The following MAML3 variants were observed in gnomAD, a reference collection of about 807,000 sequenced individuals.
MAML3 encodes the protein mastermind like transcriptional coactivator 3.
MAML3 carries 27 observed loss-of-function variants against 101.9 expected under a neutral mutation model. That is an observed-to-expected ratio of 0.27 (90% CI 0.20 to 0.37). The LOEUF (loss-of-function observed/expected upper bound fraction) is 0.37, where lower values mean the gene tolerates loss of function less well. Ranked by LOEUF, MAML3 falls within the 10% of genes least tolerant of loss-of-function variation. MAML3 has a pLI of 1.00. For synonymous variants in MAML3, 501 were observed against 555.9 expected, an observed-to-expected ratio of 0.90 and a Z score of 1.39; for missense variants, 1,316 against 1,444.9, an observed-to-expected ratio of 0.91 and a Z score of 1.45.
chr4:140,061,540 G>T lies in MAML3; in HGVS notation c.468+91320C>A, dbSNP rs116429455. On this transcript the variant is annotated intron_variant, in intron 1 of 4. Transcript: ENST00000509479. Reference sequence around the variant, plus strand: ...CACCATGATGCAAGAATTCCAGTACGTCAACTCAAGGCAAGTAACAAGACC... The same window carrying T: ...CACCATGATGCAAGAATTCCAGTACTTCAACTCAAGGCAAGTAACAAGACC... Among the ~76,000 whole-genome samples the T allele has an allele frequency of 7.1e-3, 1,084 of 152,284 alleles. 13 individuals carry two copies. Among genetic ancestry groups the T allele is most frequent in the Middle Eastern group, 0.051 (15 of 294 alleles).
At chr4:139,759,432 C>T (rs1446562473) in intron 2 of MAML3, among the ~76,000 whole-genome samples, 1 of 152,212 alleles carries the variant, frequency 6.6e-6, no homozygotes, top group Non-Finnish European at 1.5e-5. Flanking sequence ...CTGCCCTTGC[C>T]CCAGGTCCCG....
At chr4:139,816,820 T>C (rs1447190117) in intron 2 of MAML3, among the ~76,000 whole-genome samples, 1 of 152,112 alleles carries the variant, frequency 6.6e-6, no homozygotes, top group Non-Finnish European at 1.5e-5. Context: ...TCTCAACATT[T>C]ATCTTGTCCT....
chr4:139,939,649 T>A (rs1733563205), intron 1 of MAML3, among the ~76,000 whole-genome samples: 1 of 152,166 alleles, frequency 6.6e-6, no homozygotes, highest in Non-Finnish European at 1.5e-5. Flanking sequence ...TACATTGTTA[T>A]TTGTGACTTT....
In MAML3 at chr4:140,153,542, G is replaced by A; in HGVS notation, c.-215C>T. The A allele has an allele frequency of 1.9e-6, 1 of 527,046 alleles. No individual in the cohort carries two copies. The highest frequency in any genetic ancestry group is 3.0e-5 in the South Asian group (1 of 33,242). The allele number at this position is 527,046 out of a possible 1,614,324, so 32.6% of individuals were successfully genotyped here. A position where few individuals can be genotyped will look rare whatever the true frequency, so the allele number is the denominator to read the frequency against. ...TTTTTTAAACTGTAAAAGCTCAAGG[G>A]GAAGAAAAGGGGGGAACGTTATCGG... On this transcript the variant is annotated 5_prime_UTR_variant, in exon 1 of 5. Coordinates refer to ENST00000509479, the MANE Select transcript of MAML3 (RefSeq NM_018717.5).
chr4:139,912,629 G>C (rs1732945276), intron 1 of MAML3, among the ~76,000 whole-genome samples: 2 of 152,224 alleles, frequency 1.3e-5, no homozygotes, highest in South Asian at 4.1e-4. Flanking sequence ...ACCCAACACA[G>C]CTGGTATCAT....
intron 1 of MAML3, among the ~76,000 whole-genome samples, chr4:140,121,782 T>C (rs1728609808): frequency 6.6e-6 from 1 of 152,222 alleles, no homozygotes. Flanking sequence ...CACTGCTCAA[T>C]AGTGCATGAT....
chr4:139,943,972 G>T (rs1263423749), intron 1 of MAML3, among the ~76,000 whole-genome samples: 1 of 143,170 alleles, frequency 7.0e-6, no homozygotes, highest in African/African-American at 2.6e-5. Flanking sequence ...CCGGGTTCAA[G>T]CGATTCTCCT....
intron 1 of MAML3, 34 bp downstream of exon 1, chr4:140,152,826 G>A (rs1442415408): frequency 1.4e-6 from 2 of 1,463,730 alleles, no homozygotes; most frequent in Non-Finnish European, 9.1e-7. Context: ...CACCCCCAAC[G>A]CGCGCCGCAA....
chr4:140,093,820 T>C (rs1021204460), intron 1 of MAML3, among the ~76,000 whole-genome samples: 1 of 152,174 alleles, frequency 6.6e-6, no homozygotes. Flanking sequence ...TCCCAGAAGG[T>C]TGAAACCTCC....
chr4:139,811,410 C>T (rs937424116), intron 2 of MAML3, among the ~76,000 whole-genome samples: 13 of 152,152 alleles, frequency 8.5e-5, no homozygotes, highest in African/African-American at 1.2e-4. Flanking sequence ...TCTGGAGTTA[C>T]GGTCTGGATC....
chr4:140,137,468 C>T (rs1250798618), intron 1 of MAML3, among the ~76,000 whole-genome samples: 1 of 152,188 alleles, frequency 6.6e-6, no homozygotes, highest in East Asian at 1.9e-4. Flanking sequence ...AATCCTCTTG[C>T]TTCTTCCTCT....
chr4:139,865,947 C>T (rs929968496), intron 2 of MAML3, among the ~76,000 whole-genome samples: 14 of 152,236 alleles, frequency 9.2e-5, no homozygotes, highest in African/African-American at 3.1e-4. Context: ...GGAAGGTGGC[C>T]ACACAGCTGT....
At position 139,889,696 on chromosome 4, in the gene MAML3, C is replaced by G. The variant is rs1732423290; in HGVS notation, c.1740G>C (p.Gln580His). ...AGTTTGTACCCAAGTTATTTGGCTGCTGATTGATCATATTCATGTGATTCT... is the reference window on the plus strand; with the variant it reads ...AGTTTGTACCCAAGTTATTTGGCTGGTGATTGATCATATTCATGTGATTCT... ...LPQNHMNMIN[Q>H]QPNNLGTNSL... is the part of the protein sequence containing the mutation. The change falls in exon 2 of 5, where the codon CAG becomes CAC. Residue 580 changes from glutamine (Q) to histidine (H), a missense_variant. Gln to His is a conservative substitution (Grantham distance 24). Transcript: ENST00000509479. The G allele has an allele frequency of 1.2e-6, 2 of 1,613,858 alleles. No individual in the cohort carries two copies. The highest frequency in any genetic ancestry group is 2.2e-5 in the South Asian group (2 of 91,090).
At chr4:139,799,174 G>A (rs562899343) in intron 2 of MAML3, among the ~76,000 whole-genome samples, 1 of 152,134 alleles carries the variant, frequency 6.6e-6, no homozygotes, top group Non-Finnish European at 1.5e-5. Context: ...ACATTGAAAA[G>A]CATGACTTTT....
At chr4:140,115,290 C>T (rs879470321) in intron 1 of MAML3, among the ~76,000 whole-genome samples, 2 of 152,198 alleles carry the variant, frequency 1.3e-5, no homozygotes, top group Admixed American at 1.3e-4. Context: ...TCTTTCTCTT[C>T]CTCCTGAAAC....
In MAML3 at chr4:139,730,422, C is replaced by T. The variant is rs573982215; in HGVS notation, c.2325G>A (p.Ala775=). 4.1e-5 allele frequency: 62 copies of T among 1,497,136 alleles called. No homozygotes were observed. Among genetic ancestry groups the T allele is most frequent in the East Asian group, 3.9e-4 (15 of 38,930 alleles). 92.7% of individuals were successfully genotyped at this position (1,497,136 alleles called of 1,614,324 possible). ...QQQQQQQQIL[A]EQQLQQSHLP... is the part of the protein sequence containing the mutation. ...ACGCCAAGGGGCATGTTACCTGTTC[C>T]GCCAAAATCTGCTGCTGCTGCTGCT... Residue 775 remains alanine (A), a synonymous_variant, in exon 3 of 5, where the codon GCG becomes GCA. Transcript: ENST00000509479.
intron 2 of MAML3, among the ~76,000 whole-genome samples, chr4:139,779,981 G>A (rs1039307603): frequency 1.3e-5 from 2 of 152,250 alleles, no homozygotes; most frequent in Non-Finnish European, 2.9e-5. Context: ...TGCAGACTCT[G>A]CTCTGTTCCC....
intron 2 of MAML3, among the ~76,000 whole-genome samples, chr4:139,810,342 C>A (rs1463588055): frequency 6.6e-6 from 1 of 151,734 alleles, no homozygotes; most frequent in Non-Finnish European, 1.5e-5. Context: ...ATAGGCACAC[C>A]ACCACACCCA....
intron 2 of MAML3, among the ~76,000 whole-genome samples, chr4:139,804,045 G>T (rs181834674): frequency 6.6e-6 from 1 of 152,174 alleles, no homozygotes; most frequent in East Asian, 1.9e-4. Context: ...CCAACTTCCT[G>T]CCTTGGCTCT....
Sources: gnomAD v4.1 joint callset for allele counts (sites outside exome capture counted in the v4.1 genomes callset) on GRCh38, gnomAD v4.1.1 for gene constraint, MANE v1.5 for transcripts, NCBI Gene and HGNC (gene_info 2026-07-23, HGNC 2026-07-21) for gene names.